SLC35G5: variants seen among roughly 807,000 people sequenced by gnomAD.
SLC35G5 encodes acyl-malonyl condensing enzyme 1-like 2.
In SLC35G5, 14 loss-of-function variants were observed where a neutral mutation model predicts 17.6. That is an observed-to-expected ratio of 0.79 (90% CI 0.52 to 1.24). The LOEUF is 1.24. SLC35G5 is among the 50% of genes most tolerant of loss of function. SLC35G5 has a pLI of 0.00. For synonymous variants in SLC35G5, 236 were observed against 194.9 expected (o/e 1.21, Z -1.76); for missense variants, 541 against 430.3 (o/e 1.26, Z -2.28).
At position 11,331,910 on chromosome 8, in the gene SLC35G5, A is replaced by G. The variant is rs559115812; in HGVS notation, c.804A>G (p.Thr268=). The change falls in exon 1 of 1, where the codon ACA becomes ACG. Residue 268 remains threonine (T), a synonymous_variant. Coordinates refer to ENST00000382435, the MANE Select transcript of SLC35G5 (RefSeq NM_054028.2). ...GGATCCTCGCCTTGGTCTCCTTCAC[A>G]TGTGTGGGCTATGCGGTCACCAAGG... The part of the protein sequence containing the change: ...AEGILALVSF[T]CVGYAVTKAH... 1 of 1,611,914 alleles carries G rather than the reference A, an allele frequency of 6.2e-7. No homozygotes were observed. Among genetic ancestry groups the G allele is most frequent in the East Asian group, 2.2e-5 (1 of 44,876 alleles).
In SLC35G5 at chr8:11,331,648, A is replaced by G. The variant is rs1197800463; in HGVS notation, c.542A>G (p.Gln181Arg). The change falls in exon 1 of 1, where the codon CAG (glutamine) becomes CGG (arginine). Residue 181 changes from glutamine to arginine, a missense_variant. By Grantham distance (43) the Gln-to-Arg change is conservative (BLOSUM62 1). Transcript: ENST00000382435. ...CTGGGACCTGGACTCTGGACACTAC[A>G]GGAGGGGACCACAGGTGTCTACACC... ...IILGPGLWTLQEGTTGVYTTL... is the reference protein window; with the variant it reads ...IILGPGLWTLREGTTGVYTTL... The G allele has an allele frequency of 6.2e-7, 1 of 1,612,382 alleles. No homozygotes were observed.
In SLC35G5 at chr8:11,331,093, A is replaced by T; in HGVS notation, c.-14A>T. The T allele has an allele frequency of 6.3e-7, 1 of 1,579,490 alleles. No homozygotes were observed. On this transcript the variant is annotated 5_prime_UTR_variant, in exon 1 of 1. The change creates a premature stop within an existing upstream ORF in the 5' untranslated region. Coordinates refer to ENST00000382435, the MANE Select transcript of SLC35G5 (RefSeq NM_054028.2). ...CTCCCTGAGCCAGGAGGAGAGGAGA[A>T]AGTCCAAGGAAAGATGGCTGGCAGT...
Position 11,331,522 on chromosome 8 carries a change from C to T in SLC35G5, c.416C>T (p.Thr139Ile), listed in dbSNP as rs536975881. ...GCCACTGTTCGCAAAGGTTCTTCCA[C>T]CGTATGCTCCGCTGTCCTCACCCTC... ...NAATVRKGSS[T>I]VCSAVLTLCL... The change falls in exon 1 of 1, where the codon ACC becomes ATC. Residue 139 changes from threonine (T) to isoleucine (I), a missense_variant. Coordinates refer to ENST00000382435, the MANE Select transcript of SLC35G5 (RefSeq NM_054028.2). 1.2e-6 allele frequency: 2 copies of T among 1,613,908 alleles called. No individual in the cohort carries two copies. The highest frequency in any genetic ancestry group is 1.1e-5 in the South Asian group (1 of 91,056).
Position 11,331,983 on chromosome 8 carries a change from G to T in SLC35G5, c.877G>T (p.Ala293Ser), listed in dbSNP as rs1445872908. Residue 293 changes from alanine to serine, a missense_variant, in exon 1 of 1, where the codon GCC becomes TCC. Transcript: ENST00000382435. ...CAVLHSEVVV[A>S]LILQYYMLHE... ...TGTCCTGCATTCCGAGGTGGTTGTG[G>T]CCCTTATACTGCAGTATTATATGCT... 1 of 1,611,932 alleles carries T rather than the reference G, an allele frequency of 6.2e-7. No homozygotes were observed. The highest frequency in any genetic ancestry group is 1.1e-5 in the South Asian group (1 of 90,980).
At position 11,331,149 on chromosome 8, in the gene SLC35G5, C is replaced by G; in HGVS notation, c.43C>G (p.His15Asp). 3.7e-6 allele frequency: 6 copies of G among 1,610,880 alleles called. No homozygotes were observed. The highest frequency in any genetic ancestry group is 5.1e-6 in the Non-Finnish European group (6 of 1,178,258). ...CTACTTCAACCTGCCTGACTCCACACACCCATCGCCGCCCTCCGCTCCACC... is the reference window on the plus strand; with the variant it reads ...CTACTTCAACCTGCCTGACTCCACAGACCCATCGCCGCCCTCCGCTCCACC... ...HPYFNLPDST[H>D]PSPPSAPPSL... Residue 15 changes from histidine to aspartate, a missense_variant, in exon 1 of 1, where the codon CAC becomes GAC. Transcript: ENST00000382435.
rs761142808 is a variant in SLC35G5 at position 11,331,102 on chromosome 8, G to T, written c.-5G>T. On this transcript the variant is annotated 5_prime_UTR_variant, in exon 1 of 1. It introduces an in-frame stop codon into an upstream open reading frame of the 5' UTR. Transcript: ENST00000382435. ...CCAGGAGGAGAGGAGAAAGTCCAAG[G>T]AAAGATGGCTGGCAGTCACCCCTAC... The T allele has an allele frequency of 3.8e-6, 6 of 1,586,046 alleles. No homozygotes were observed. In the African/African-American group the frequency reaches 6.7e-5, roughly 18 times the overall value.
Position 11,331,687 on chromosome 8 carries a change from T to C in SLC35G5, c.581T>C (p.Val194Ala). ...GGTGTCTACACCACCCTGGGCTATGTGCAGGCTTTCCTGGGAGGCCTGGCG... is the reference window on the plus strand; with the variant it reads ...GGTGTCTACACCACCCTGGGCTATGCGCAGGCTTTCCTGGGAGGCCTGGCG... ...TTGVYTTLGY[V>A]QAFLGGLALS... Residue 194 changes from valine (V) to alanine (A), a missense_variant, in exon 1 of 1, where the codon GTG becomes GCG. Coordinates refer to ENST00000382435, the MANE Select transcript of SLC35G5 (RefSeq NM_054028.2). 1 of 1,612,058 alleles carries C rather than the reference T, an allele frequency of 6.2e-7. No homozygotes were observed. The highest frequency in any genetic ancestry group is 8.5e-7 in the Non-Finnish European group (1 of 1,179,842).
chr8:11,331,818 C>G lies in SLC35G5; in HGVS notation c.712C>G (p.Leu238Val). ...GGGGCTGCTGGGCTGTGTGCCAGGC[C>G]TCTTTGTGCTGCAGACCCCCGTGTT... is the stretch of plus-strand genomic sequence containing the variant. ...LVGLLGCVPGLFVLQTPVLPS... is the reference protein window; with the variant it reads ...LVGLLGCVPGVFVLQTPVLPS... Residue 238 changes from leucine (L) to valine (V), a missense_variant, in exon 1 of 1, where the codon CTC (leucine) becomes GTC (valine). Transcript: ENST00000382435. 6.2e-7 allele frequency: 1 copy of G among 1,611,892 alleles called. No homozygotes were observed. Among genetic ancestry groups the G allele is most frequent in the Non-Finnish European group, 8.5e-7 (1 of 1,179,836 alleles).
chr8:11,332,057 G>A lies in SLC35G5; in HGVS notation c.951G>A (p.Leu317=), dbSNP rs1443104610. 3.7e-6 allele frequency: 6 copies of A among 1,611,968 alleles called. No homozygotes were observed. The highest frequency in any genetic ancestry group is 5.1e-6 in the Non-Finnish European group (6 of 1,179,834). ...ACATCATGGGGGCAGGGGTTGTGCT[G>A]GGCAGCATTGCCATCATTACAGCCC... ...LSDIMGAGVV[L]GSIAIITARN... is the part of the protein sequence containing the mutation. Residue 317 remains leucine, a synonymous_variant, in exon 1 of 1, where the codon CTG becomes CTA. Coordinates refer to ENST00000382435, the MANE Select transcript of SLC35G5 (RefSeq NM_054028.2).
rs1801267765 is a variant in SLC35G5 at position 11,332,268 on chromosome 8, ATT to A, written c.*146_*147del. 8.5e-6 allele frequency: 11 copies of A among 1,289,948 alleles called. No individual in the cohort carries two copies. The highest frequency in any genetic ancestry group is 1.1e-5 in the Non-Finnish European group (11 of 963,164). 79.9% of individuals were successfully genotyped at this position (1,289,948 alleles called of 1,614,324 possible). A position where few individuals can be genotyped will look rare whatever the true frequency, so the allele number is the denominator to read the frequency against. ...TCTAACTTCCATAGCACATTATAAT[ATT>A]GAGATGTTCAGTTATAATAAAAATA... is the stretch of plus-strand genomic sequence containing the variant. On this transcript the variant is annotated 3_prime_UTR_variant, in exon 1 of 1. Coordinates refer to ENST00000382435, the MANE Select transcript of SLC35G5 (RefSeq NM_054028.2).
In SLC35G5 at chr8:11,331,200, C is replaced by G. The variant is rs1197824195; in HGVS notation, c.94C>G (p.Gln32Glu). The part of the protein sequence containing the change: ...PPSLRWHQRC[Q>E]PSGATNGLLV... Reference sequence around the variant, plus strand: ...CAGCCTCCGCTGGCACCAGCGCTGCCAGCCCTCTGGTGCCACCAATGGCCT... The same window carrying G: ...CAGCCTCCGCTGGCACCAGCGCTGCGAGCCCTCTGGTGCCACCAATGGCCT... The change falls in exon 1 of 1, where the codon CAG becomes GAG. Residue 32 changes from glutamine to glutamate, a missense_variant. By Grantham distance (29) the Gln-to-Glu change is conservative. Transcript: ENST00000382435. 2 of 1,613,996 alleles carry G rather than the reference C, an allele frequency of 1.2e-6. No individual in the cohort carries two copies. Among genetic ancestry groups the G allele is most frequent in the Non-Finnish European group, 1.7e-6 (2 of 1,179,990 alleles).
rs752660924 is a variant in SLC35G5, at chr8:11,331,717, C to T, written c.611C>T (p.Ser204Phe). ...VQAFLGGLAL[S>F]LGLLVYRSLH... ...GCTTTCCTGGGAGGCCTGGCGCTGTCCCTGGGGCTTCTGGTCTATCGTTCT... is the reference window on the plus strand; with the variant it reads ...GCTTTCCTGGGAGGCCTGGCGCTGTTCCTGGGGCTTCTGGTCTATCGTTCT... Residue 204 changes from serine (S) to phenylalanine (F), a missense_variant, in exon 1 of 1, where the codon TCC becomes TTC. By Grantham distance (155) the Ser-to-Phe change is radical. Transcript: ENST00000382435. The T allele has an allele frequency of 5.0e-6, 8 of 1,611,868 alleles. No individual in the cohort carries two copies. The highest frequency in any genetic ancestry group is 6.8e-6 in the Non-Finnish European group (8 of 1,179,850).
Position 11,331,485 on chromosome 8 carries a change from G to C in SLC35G5, c.379G>C (p.Ala127Pro), listed in dbSNP as rs532136763. The C allele has an allele frequency of 1.2e-6, 2 of 1,613,794 alleles. No individual in the cohort carries two copies. The highest frequency in any genetic ancestry group is 1.3e-5 in the African/African-American group (1 of 74,886). Residue 127 changes from alanine to proline, a missense_variant, in exon 1 of 1, where the codon GCT (alanine) becomes CCT (proline). Coordinates refer to ENST00000382435, the MANE Select transcript of SLC35G5 (RefSeq NM_054028.2). ...CAYSAVQVVP[A>P]GNAATVRKGS... is the part of the protein sequence containing the mutation. ...CTACAGTGCAGTTCAGGTGGTGCCC[G>C]CTGGCAACGCTGCCACTGTTCGCAA...
At position 11,331,567 on chromosome 8, in the gene SLC35G5, T is replaced by C; in HGVS notation, c.461T>C (p.Leu154Pro). Residue 154 changes from leucine (L) to proline (P), a missense_variant, in exon 1 of 1, where the codon CTC becomes CCC. Physicochemically the swap from Leu to Pro is moderately conservative, Grantham distance 98 (BLOSUM62 -3). Transcript: ENST00000382435. ...VLTLCLESQG[L>P]GGYEWCGLLG... The stretch of plus-strand genomic sequence containing the variant: ...ACCCTCTGCCTTGAGAGCCAGGGTC[T>C]CGGTGGCTACGAGTGGTGTGGACTG... The C allele has an allele frequency of 6.2e-7, 1 of 1,613,888 alleles. No individual in the cohort carries two copies. The highest frequency in any genetic ancestry group is 8.5e-7 in the Non-Finnish European group (1 of 1,179,838).
At position 11,331,291 on chromosome 8, in the gene SLC35G5, A is replaced by C. The variant is rs1801212895; in HGVS notation, c.185A>C (p.Tyr62Ser). ...GFVGPLSRMA[Y>S]QGSNLPSLEL... ...GTGGGCCCCCTTTCTCGTATGGCTT[A>C]CCAGGGTTCCAACCTGCCCTCGCTG... Residue 62 changes from tyrosine to serine, a missense_variant, in exon 1 of 1, where the codon TAC becomes TCC. Physicochemically the swap from Tyr to Ser is moderately radical, Grantham distance 144. Transcript: ENST00000382435. The C allele has an allele frequency of 1.2e-6, 2 of 1,613,802 alleles. No individual in the cohort carries two copies. The highest frequency in any genetic ancestry group is 1.7e-6 in the Non-Finnish European group (2 of 1,179,872).
At position 11,331,243 on chromosome 8, in the gene SLC35G5, G is replaced by T. The variant is rs6990563; in HGVS notation, c.137G>T (p.Gly46Val). 1 of 1,613,040 alleles carries T rather than the reference G, an allele frequency of 6.2e-7. No homozygotes were observed. Among genetic ancestry groups the T allele is most frequent in the Non-Finnish European group, 8.5e-7 (1 of 1,179,536 alleles). ...AATGGCCTGCTGGTGGCCCTGCTGG[G>T]TGGGGGCCTGCCTGCTGGCTTCGTG... is the stretch of plus-strand genomic sequence containing the variant. Reference protein sequence around the residue: ...ATNGLLVALLGGGLPAGFVGP... With the variant: ...ATNGLLVALLVGGLPAGFVGP... The change falls in exon 1 of 1, where the codon GGT becomes GTT. Residue 46 changes from glycine to valine, a missense_variant. Physicochemically the swap from Gly to Val is moderately radical, Grantham distance 109 (BLOSUM62 -3). Coordinates refer to ENST00000382435, the MANE Select transcript of SLC35G5 (RefSeq NM_054028.2).
Position 11,331,513 on chromosome 8 carries a change from G to A in SLC35G5, c.407G>A (p.Gly136Asp), listed in dbSNP as rs569637796. The change falls in exon 1 of 1, where the codon GGT becomes GAT. Residue 136 changes from glycine to aspartate, a missense_variant. Transcript: ENST00000382435. ...GGCAACGCTGCCACTGTTCGCAAAG[G>A]TTCTTCCACCGTATGCTCCGCTGTC... is the stretch of plus-strand genomic sequence containing the variant. The part of the protein sequence containing the change: ...PAGNAATVRK[G>D]SSTVCSAVLT... 1 of 1,613,802 alleles carries A rather than the reference G, an allele frequency of 6.2e-7. No individual in the cohort carries two copies. The highest frequency in any genetic ancestry group is 1.3e-5 in the African/African-American group (1 of 74,974).
At position 11,331,903 on chromosome 8, in the gene SLC35G5, C is replaced by G. The variant is rs148274794; in HGVS notation, c.797C>G (p.Ser266Cys). The G allele has an allele frequency of 1.2e-6, 2 of 1,612,044 alleles. No individual in the cohort carries two copies. The highest frequency in any genetic ancestry group is 1.1e-5 in the South Asian group (1 of 90,988). The change falls in exon 1 of 1, where the codon TCC (serine) becomes TGC (cysteine). Residue 266 changes from serine to cysteine, a missense_variant. Ser to Cys is a moderately radical substitution (Grantham distance 112, BLOSUM62 -1). Transcript: ENST00000382435. ...GCAGAGGGGATCCTCGCCTTGGTCTCCTTCACATGTGTGGGCTATGCGGTC... is the reference window on the plus strand; with the variant it reads ...GCAGAGGGGATCCTCGCCTTGGTCTGCTTCACATGTGTGGGCTATGCGGTC... ...VGAEGILALV[S>C]FTCVGYAVTK...
chr8:11,331,355 T>C lies in SLC35G5; in HGVS notation c.249T>C (p.Ile83=). Residue 83 remains isoleucine (I), a synonymous_variant, in exon 1 of 1, where the codon ATT becomes ATC. Coordinates refer to ENST00000382435, the MANE Select transcript of SLC35G5 (RefSeq NM_054028.2). ...GTCGATGCCTCTTCCACCTCCCTAT[T>C]GCCCTGCTACTTAAACTGCGTGGCG... is the stretch of plus-strand genomic sequence containing the variant. ...LICRCLFHLP[I]ALLLKLRGDP... The C allele has an allele frequency of 1.2e-6, 2 of 1,613,974 alleles. No homozygotes were observed. The highest frequency in any genetic ancestry group is 1.7e-5 in the Admixed American group (1 of 60,024).
Sources: gnomAD v4.1 joint callset for allele counts on GRCh38, gnomAD v4.1.1 for gene constraint, MANE v1.5 for transcripts, NCBI Gene and HGNC (gene_info 2026-07-23, HGNC 2026-07-21) for gene names.